PYGL: variants seen among roughly 807,000 people sequenced by gnomAD.
PYGL encodes glycogen phosphorylase, liver form.
In PYGL, 90 loss-of-function variants were observed where a neutral mutation model predicts 100.1. That is an observed-to-expected ratio of 0.90 (90% CI 0.76 to 1.07). The LOEUF is 1.07. Among genes scored for constraint, PYGL ranks in the 50% least tolerant of loss-of-function variants. The pLI is 0.00. For missense variants in PYGL, 1,016 were observed against 1,057.6 expected (o/e 0.96, Z 0.55); for synonymous variants, 373 against 393.0 (o/e 0.95, Z 0.60).
rs758167980 is a variant in PYGL at position 50,912,245 on chromosome 14, G to A, written c.1679C>T (p.Pro560Leu). 2.5e-6 allele frequency: 4 copies of A among 1,613,836 alleles called. No individual in the cohort carries two copies. Among genetic ancestry groups the A allele is most frequent in the South Asian group, 1.1e-5 (1 of 91,070 alleles). The change falls in exon 14 of 20, where the codon CCA (proline) becomes CTA (leucine). Residue 560 changes from proline (P) to leucine (L), a missense_variant. Pro to Leu is a moderately conservative substitution (Grantham distance 98). Coordinates refer to ENST00000216392, the MANE Select transcript of PYGL (RefSeq NM_002863.5). The part of the protein sequence containing the change: ...LETEYKVKIN[P>L]SSMFDVQVKR... ...CACCTGGACATCAAACATGGAGGAT[G>A]GGTTGATCTTCACTTTGTACTCCGT...
chr14:50,937,891 A>G, intron 1 of PYGL, 54 bp from the exon 2 acceptor site: 5 of 1,447,264 alleles, frequency 3.5e-6, no homozygotes, highest in Non-Finnish European at 4.8e-6. Flanking sequence ...ACCTCACTTA[A>G]CATAAAAACA....
chr14:50,913,112 C>T lies in PYGL; in HGVS notation c.1537G>A (p.Val513Met). Residue 513 changes from valine (V) to methionine (M), a missense_variant, in exon 13 of 20, where the codon GTG (valine) becomes ATG (methionine). Physicochemically the swap from Val to Met is conservative, Grantham distance 21. Transcript: ENST00000216392. ...TTCGTCAGCTGGCTCAGGTCTTTCA[C>T]ATAGTCTTCTCCAATTTTCTTTCAA... ...LIAEKIGEDY[V>M]KDLSQLTKLH... is the part of the protein sequence containing the mutation. 1.2e-6 allele frequency: 2 copies of T among 1,613,848 alleles called. No homozygotes were observed. Among genetic ancestry groups the T allele is most frequent in the Non-Finnish European group, 1.7e-6 (2 of 1,179,788 alleles).
rs372676244 is a variant in PYGL, at chr14:50,911,958, A to T, written c.1827+20T>A. On this transcript the variant is annotated intron_variant, in intron 15 of 19. Coordinates refer to ENST00000216392, the MANE Select transcript of PYGL (RefSeq NM_002863.5). The stretch of plus-strand genomic sequence containing the variant: ...AAGAGATTAGAGCCCTCAAGTCCCC[A>T]TTGAATAGATTCAACTTACTTTACC... The T allele has an allele frequency of 1.9e-6, 3 of 1,612,960 alleles. No homozygotes were observed. Among genetic ancestry groups the T allele is most frequent in the African/African-American group, 2.7e-5 (2 of 74,900 alleles).
Position 50,915,877 on chromosome 14 carries a change from A to C in PYGL, c.1187T>G (p.Leu396Arg), listed in dbSNP as rs1473507091. The change falls in exon 10 of 20, where the codon CTG (leucine) becomes CGG (arginine). Residue 396 changes from leucine (L) to arginine (R), a missense_variant. Physicochemically the swap from Leu to Arg is moderately radical, Grantham distance 102 (BLOSUM62 -2). Coordinates refer to ENST00000216392, the MANE Select transcript of PYGL (RefSeq NM_002863.5). ...ERWPVDLVEK[L>R]LPRHLEIIYE... ...AATGATTTCCAAATGTCGAGGGAGC[A>C]GCTTCTCCACCAGGTCCACGGGCCA... is the stretch of plus-strand genomic sequence containing the variant. 1 of 1,614,252 alleles carries C rather than the reference A, an allele frequency of 6.2e-7. No homozygotes were observed. Among genetic ancestry groups the C allele is most frequent in the South Asian group, 1.1e-5 (1 of 91,088 alleles).
Position 50,929,994 on chromosome 14 carries a change from A to AT in PYGL, c.528+1678dup, listed in dbSNP as rs1373458165. 2.6e-5 allele frequency among the ~76,000 whole-genome samples: 4 copies of AT among 152,160 alleles called. No individual in the cohort carries two copies. In the East Asian group the frequency reaches 7.7e-4, roughly 29 times the overall value. ...ACAACTTCTGTTGAAGCTTTGATGT[A>AT]TTTTTTTCTAGCACTTTTCCTTTAT... On this transcript the variant is annotated intron_variant, in intron 4 of 19. Transcript: ENST00000216392.
At chr14:50,932,643 G>A (rs138679686) in intron 3 of PYGL, among the ~76,000 whole-genome samples, 1 of 152,258 alleles carries the variant, frequency 6.6e-6, no homozygotes, top group Admixed American at 6.5e-5. Flanking sequence ...ATTTTTGCTA[G>A]GTTTTCTGTT....
At chr14:50,935,403 A>G (rs530436177) in intron 2 of PYGL, among the ~76,000 whole-genome samples, 1 of 152,340 alleles carries the variant, frequency 6.6e-6, no homozygotes, top group South Asian at 2.1e-4. Flanking sequence ...TGTAAGCTCT[A>G]AAAGTCCATT....
At chr14:50,908,137 TTG>T in intron 19 of PYGL, 132 bp downstream of exon 19, 1 of 679,078 alleles carries the variant, frequency 1.5e-6, no homozygotes, top group South Asian at 2.0e-5. Context: ...TTTGTTTTTG[TTG>T]TTTTTTTTTT....
At chr14:50,924,465 AGCTT>A (rs1249901717) in intron 4 of PYGL, among the ~76,000 whole-genome samples, 15 of 152,330 alleles carry the variant, frequency 9.8e-5, no homozygotes, top group Middle Eastern at 3.4e-3. Context: ...CCAATTGTCC[AGCTT>A]CAGCTAAAGA....
rs746407083 is a variant in PYGL at position 50,917,000 on chromosome 14, G to A, written c.961C>T (p.Arg321Cys). 2.5e-6 allele frequency: 4 copies of A among 1,614,140 alleles called. No individual in the cohort carries two copies. The highest frequency in any genetic ancestry group is 3.4e-6 in the Non-Finnish European group (4 of 1,179,988). The change falls in exon 8 of 20, where the codon CGT (arginine) becomes TGT (cysteine). Residue 321 changes from arginine (R) to cysteine (C), a missense_variant. Physicochemically the swap from Arg to Cys is radical, Grantham distance 180. Transcript: ENST00000216392. The part of the protein sequence containing the change: ...RFKASKFGST[R>C]GAGTVFDAFP... Reference sequence around the variant, plus strand: ...GCATCAAACACAGTTCCTGCACCACGGGTGGAGCCAAACTTGGAGGCTTTG... The same window carrying A: ...GCATCAAACACAGTTCCTGCACCACAGGTGGAGCCAAACTTGGAGGCTTTG...
intron 19 of PYGL, among the ~76,000 whole-genome samples, chr14:50,906,023 A>G (rs1300714604): frequency 1.3e-5 from 2 of 152,210 alleles, no homozygotes; most frequent in Non-Finnish European, 2.9e-5. Context: ...ATTCAATGAG[A>G]GGCTTTATTG....
chr14:50,920,548 T>C lies in PYGL; in HGVS notation c.848A>G (p.Asn283Ser), dbSNP rs775341500. 17 of 1,611,072 alleles carry C rather than the reference T, an allele frequency of 1.1e-5. No individual in the cohort carries two copies. Among genetic ancestry groups the C allele is most frequent in the African/African-American group, 4.0e-5 (3 of 74,864 alleles). ...AENISRVLYPNDNFFEGKELR... is the reference protein window; with the variant it reads ...AENISRVLYPSDNFFEGKELR... ...GCAACCTTGATCACTCACATTGTCA[T>C]TGGGATAGAGGACCCGGGAGATGTT... is the stretch of plus-strand genomic sequence containing the variant. The change falls in exon 7 of 20, where the codon AAT becomes AGT. Residue 283 changes from asparagine to serine, a missense_variant. Asn to Ser is a conservative substitution (Grantham distance 46). Transcript: ENST00000216392.
At chr14:50,938,535 C>T (rs554071473) in intron 1 of PYGL, among the ~76,000 whole-genome samples, 2 of 152,170 alleles carry the variant, frequency 1.3e-5, no homozygotes, top group Non-Finnish European at 2.9e-5. Flanking sequence ...AATAAACTTG[C>T]TTTCACTTTA....
intron 7 of PYGL, among the ~76,000 whole-genome samples, chr14:50,919,750 C>T (rs1424466377): frequency 2.0e-5 from 3 of 152,048 alleles, no homozygotes; most frequent in Non-Finnish European, 2.9e-5. Context: ...GGTGCAATCT[C>T]GGCTCACTGC....
In PYGL at chr14:50,915,969, T is replaced by A. The variant is rs1158799368; in HGVS notation, c.1095A>T (p.Ala365=). 2 of 1,613,890 alleles carry A rather than the reference T, an allele frequency of 1.2e-6. No individual in the cohort carries two copies. Among genetic ancestry groups the A allele is most frequent in the African/African-American group, 2.7e-5 (2 of 74,926 alleles). Residue 365 remains alanine, a splice_region_variant and synonymous_variant, in exon 10 of 20, where the codon GCA becomes GCT. Transcript: ENST00000216392. ...VDIEKLPWSK[A]WELTQKTFAY... is the part of the protein sequence containing the mutation. ...CGAAGGTCTTCTGGGTGAGCTCCCA[T>A]GCCTGGGGGAAAGGAAGGAGTCAGC...
chr14:50,931,884 C>T (rs942691721), intron 3 of PYGL, 108 bp from the exon 4 acceptor site: 23 of 852,044 alleles, frequency 2.7e-5, no homozygotes, highest in Non-Finnish European at 4.0e-5. Flanking sequence ...ATATGAAGAA[C>T]CACATTTGTA....
At chr14:50,912,384 A>C in intron 13 of PYGL, 81 bp from the exon 14 acceptor site, 3 of 1,519,398 alleles carry the variant, frequency 2.0e-6, no homozygotes, top group Non-Finnish European at 2.7e-6. Flanking sequence ...TTTGAGACGG[A>C]GTCTCACTCT....
Position 50,905,248 on chromosome 14 carries a change from G to T in PYGL, c.*144C>A. The stretch of plus-strand genomic sequence containing the variant: ...TTGGAAATTGACACTTTATTTTTAA[G>T]CTCTATTACATATAATTTCCCTCCC... On this transcript the variant is annotated 3_prime_UTR_variant, in exon 20 of 20. Transcript: ENST00000216392. 1.2e-6 allele frequency: 1 copy of T among 827,674 alleles called. No individual in the cohort carries two copies. Among genetic ancestry groups the T allele is most frequent in the Non-Finnish European group, 1.9e-6 (1 of 525,204 alleles). The allele number at this position is 827,674 out of a possible 1,614,324, so 51.3% of individuals were successfully genotyped here. A position where few individuals can be genotyped will look rare whatever the true frequency, so the allele number is the denominator to read the frequency against.
chr14:50,915,889 A>G lies in PYGL; in HGVS notation c.1175T>C (p.Leu392Pro), dbSNP rs772195769. The stretch of plus-strand genomic sequence containing the variant: ...ATGTCGAGGGAGCAGCTTCTCCACC[A>G]GGTCCACGGGCCAGCGCTCCAGGGC... ...PEALERWPVD[L>P]VEKLLPRHLE... The change falls in exon 10 of 20, where the codon CTG becomes CCG. Residue 392 changes from leucine (L) to proline (P), a missense_variant. Physicochemically the swap from Leu to Pro is moderately conservative, Grantham distance 98. Coordinates refer to ENST00000216392, the MANE Select transcript of PYGL (RefSeq NM_002863.5). 6.2e-7 allele frequency: 1 copy of G among 1,614,246 alleles called. No homozygotes were observed. Among genetic ancestry groups the G allele is most frequent in the South Asian group, 1.1e-5 (1 of 91,084 alleles).
Sources: gnomAD v4.1 joint callset for allele counts (sites outside exome capture counted in the v4.1 genomes callset) on GRCh38, gnomAD v4.1.1 for gene constraint, MANE v1.5 for transcripts, NCBI Gene and HGNC (gene_info 2026-07-23, HGNC 2026-07-21) for gene names.